Variants in LMCD1 observed in about 807,000 individuals in gnomAD.
LMCD1 encodes LIM and cysteine-rich domains protein 1.
LMCD1 carries 32 observed loss-of-function variants against 42.7 expected under a neutral mutation model. The ratio of observed to expected loss-of-function variants is 0.75; its 90% CI spans 0.57 to 1.01. LMCD1 has a LOEUF of 1.01. LMCD1 is among the 50% of genes least tolerant of loss of function. The pLI is 0.00. For synonymous variants in LMCD1, 178 were observed against 184.9 expected (o/e 0.96, Z 0.30); for missense variants, 458 against 483.1 (o/e 0.95, Z 0.49).
In LMCD1 at chr3:8,547,003, CAG is replaced by C. The variant is rs371686373; in HGVS notation, c.388-1561_388-1560del. Among the ~76,000 whole-genome samples the C allele has an allele frequency of 2.7e-3, 412 of 152,274 alleles. 2 individuals carry two copies. Among genetic ancestry groups the C allele is most frequent in the African/African-American group, 9.5e-3 (393 of 41,560 alleles). ...GTAATTATTACCATTAATTGAAAGTCAGAGAACAGAGCAAAATGAGCTTTATT... is the reference window on the plus strand; with the variant it reads ...GTAATTATTACCATTAATTGAAAGTCAGAACAGAGCAAAATGAGCTTTATT... On this transcript the variant is annotated intron_variant, in intron 3 of 5. Coordinates refer to ENST00000157600, the MANE Select transcript of LMCD1 (RefSeq NM_014583.4).
intron 1 of LMCD1, among the ~76,000 whole-genome samples, chr3:8,515,810 T>C (rs1207534534): frequency 2.6e-5 from 4 of 151,970 alleles, no homozygotes; most frequent in African/African-American, 9.7e-5. Flanking sequence ...ACAAAACAGC[T>C]GTGGAATAGA....
intron 1 of LMCD1, among the ~76,000 whole-genome samples, chr3:8,522,099 G>C (rs372063622): frequency 4.1e-4 from 63 of 152,274 alleles, no homozygotes; most frequent in African/African-American, 1.5e-3. Context: ...AGATGGGTTG[G>C]GGGGAGGCAG....
intron 1 of LMCD1, among the ~76,000 whole-genome samples, chr3:8,519,048 T>C (rs1694151713): frequency 1.3e-5 from 2 of 152,320 alleles, no homozygotes; most frequent in South Asian, 2.1e-4. Flanking sequence ...TAAATGTTTA[T>C]TGAGGAGCCA....
chr3:8,519,336 A>T (rs1340265958), intron 1 of LMCD1, among the ~76,000 whole-genome samples: 3 of 152,226 alleles, frequency 2.0e-5, no homozygotes, highest in African/African-American at 7.2e-5. Flanking sequence ...GGGCAGGCTC[A>T]GAAGTATGCA....
chr3:8,566,730 C>A (rs1372138503), intron 5 of LMCD1, among the ~76,000 whole-genome samples: 3 of 152,158 alleles, frequency 2.0e-5, no homozygotes, highest in African/African-American at 7.2e-5. Flanking sequence ...TCTGAAAGGT[C>A]AATGCTAATT....
At chr3:8,540,657 A>G (rs905849889) in intron 3 of LMCD1, among the ~76,000 whole-genome samples, 1 of 152,226 alleles carries the variant, frequency 6.6e-6, no homozygotes, top group African/African-American at 2.4e-5. Flanking sequence ...AGGGAAGGCT[A>G]TCATGAACAG....
At chr3:8,551,509 G>A (rs933499511) in intron 4 of LMCD1, among the ~76,000 whole-genome samples, 10 of 152,172 alleles carry the variant, frequency 6.6e-5, no homozygotes, top group Admixed American at 4.6e-4. Flanking sequence ...AAGATCCCAC[G>A]GTTTCTATGG....
chr3:8,555,716 C>CTTTTTTTT lies in LMCD1; in HGVS notation c.723+6830_723+6837dup, dbSNP rs35525213. On this transcript the variant is annotated intron_variant, in intron 4 of 5. Coordinates refer to ENST00000157600, the MANE Select transcript of LMCD1 (RefSeq NM_014583.4). ...ATGTTGCCACATGGCCTTCAACGAG[C>CTTTTTTTT]TTTTTTTTTTTTTTTTTTTTTTTTG... Among the ~76,000 whole-genome samples, 95 of 63,284 alleles carry CTTTTTTTT rather than the reference C, an allele frequency of 1.5e-3. 2 individuals are homozygous for CTTTTTTTT. The highest frequency in any genetic ancestry group is 3.0e-3 in the African/African-American group (41 of 13,568). 41.5% of individuals were successfully genotyped at this position (63,284 alleles called of 152,430 possible). A position where few individuals can be genotyped will look rare whatever the true frequency, so the allele number is the denominator to read the frequency against.
intron 4 of LMCD1, among the ~76,000 whole-genome samples, chr3:8,555,430 G>A (rs897296741): frequency 1.2e-4 from 18 of 152,164 alleles, no homozygotes; most frequent in African/African-American, 4.3e-4. Context: ...GGACAGGAGG[G>A]TAAGAGGCCC....
At chr3:8,541,635 G>A (rs1360809018) in intron 3 of LMCD1, among the ~76,000 whole-genome samples, 2 of 152,236 alleles carry the variant, frequency 1.3e-5, no homozygotes, top group Non-Finnish European at 2.9e-5. Context: ...AATGCTTCCT[G>A]CTAAAGGTTA....
chr3:8,546,677 A>G (rs1490721249), intron 3 of LMCD1, among the ~76,000 whole-genome samples: 1 of 152,202 alleles, frequency 6.6e-6, no homozygotes, highest in African/African-American at 2.4e-5. Context: ...AGGACTAGGG[A>G]GAGACCAAAG....
At chr3:8,531,887 CG>C (rs769182247) in intron 1 of LMCD1, among the ~76,000 whole-genome samples, 4 of 152,170 alleles carry the variant, frequency 2.6e-5, no homozygotes, top group Non-Finnish European at 5.9e-5. Flanking sequence ...TGTACCAAGT[CG>C]TCCCCACCCC....
At position 8,548,634 on chromosome 3, in the gene LMCD1, T is replaced by TACC. The variant is rs767016119; in HGVS notation, c.455_457dup (p.Tyr152_Arg153insHis). ...AGTGACAGGCACAGAGGGTGCCTTT[T>TACC]ACCGCCGCCGCCAGCTCATGCACCA... On this transcript the variant is annotated inframe_insertion, in exon 4 of 6. Coordinates refer to ENST00000157600, the MANE Select transcript of LMCD1 (RefSeq NM_014583.4). The TACC allele has an allele frequency of 6.2e-7, 1 of 1,614,190 alleles. No homozygotes were observed. Among genetic ancestry groups the TACC allele is most frequent in the Non-Finnish European group, 8.5e-7 (1 of 1,180,026 alleles).
chr3:8,521,080 G>A (rs981896522), intron 1 of LMCD1, among the ~76,000 whole-genome samples: 3 of 152,160 alleles, frequency 2.0e-5, no homozygotes, highest in African/African-American at 7.2e-5. Flanking sequence ...TATTAGTTCA[G>A]CCTTAAAAAT....
intron 4 of LMCD1, among the ~76,000 whole-genome samples, chr3:8,553,081 G>A (rs1456054989): frequency 6.6e-6 from 1 of 152,192 alleles, no homozygotes; most frequent in Non-Finnish European, 1.5e-5. Context: ...TTCCTGGAGA[G>A]CTCTGGAAGC....
chr3:8,566,054 C>A (rs905912350), intron 5 of LMCD1, among the ~76,000 whole-genome samples: 1 of 152,162 alleles, frequency 6.6e-6, no homozygotes, highest in Non-Finnish European at 1.5e-5. Flanking sequence ...GAGACCAGCG[C>A]CCATCCCATA....
intron 4 of LMCD1, among the ~76,000 whole-genome samples, chr3:8,559,521 A>G (rs1305104694): frequency 1.3e-5 from 2 of 152,346 alleles, no homozygotes; most frequent in South Asian, 4.1e-4. Flanking sequence ...TCACACAGCT[A>G]TGAACCCAGG....
At chr3:8,546,454 G>C (rs886719230) in intron 3 of LMCD1, among the ~76,000 whole-genome samples, 2 of 152,128 alleles carry the variant, frequency 1.3e-5, no homozygotes, top group African/African-American at 4.8e-5. Context: ...TAGGGTTTAC[G>C]ATCCTCCTTT....
intron 1 of LMCD1, among the ~76,000 whole-genome samples, chr3:8,527,310 A>G (rs546504173): frequency 7.0e-4 from 107 of 152,300 alleles, no homozygotes; most frequent in Middle Eastern, 3.4e-3. Context: ...AGGAGCTCCA[A>G]TGGAGACCAT....
Sources: gnomAD v4.1 joint callset for allele counts (sites outside exome capture counted in the v4.1 genomes callset) on GRCh38, gnomAD v4.1.1 for gene constraint, MANE v1.5 for transcripts, NCBI Gene and HGNC (gene_info 2026-07-23, HGNC 2026-07-21) for gene names.